GRID1: variants seen among roughly 807,000 people sequenced by gnomAD.
GRID1 encodes glutamate ionotropic receptor delta type subunit 1.
A neutral mutation model predicts 98.0 loss-of-function variants in GRID1; 28 were observed. That is an observed-to-expected ratio of 0.29 (90% CI 0.21 to 0.39). The LOEUF (loss-of-function observed/expected upper bound fraction) is 0.39. Among genes scored for constraint, GRID1 ranks in the 10% least tolerant of loss-of-function variants. The pLI is 1.00. For synonymous variants in GRID1, 553 were observed against 538.5 expected, an observed-to-expected ratio of 1.03 and a Z score of -0.37; for missense variants, 1,111 against 1,340.5, an observed-to-expected ratio of 0.83 and a Z score of 2.67.
At chr10:85,768,475 A>G (rs1294225648) in intron 8 of GRID1, among the ~76,000 whole-genome samples, 1 of 152,194 alleles carries the variant, frequency 6.6e-6, no homozygotes, top group Non-Finnish European at 1.5e-5. Flanking sequence ...TGATGAAAAT[A>G]TTGGCAATGT....
intron 8 of GRID1, among the ~76,000 whole-genome samples, chr10:85,747,701 G>C (rs1842010362): frequency 6.6e-6 from 1 of 152,152 alleles, no homozygotes; most frequent in South Asian, 2.1e-4. Flanking sequence ...TATGTAACCT[G>C]GGAGTGATAT....
intron 4 of GRID1, among the ~76,000 whole-genome samples, chr10:86,109,054 C>G (rs1029063911): frequency 3.9e-5 from 6 of 152,240 alleles, no homozygotes; most frequent in African/African-American, 1.4e-4. Flanking sequence ...TCCACCTTCC[C>G]TTCATCGACC....
intron 4 of GRID1, among the ~76,000 whole-genome samples, chr10:85,958,551 T>C (rs1186429741): frequency 1.3e-5 from 2 of 152,152 alleles, no homozygotes; most frequent in Admixed American, 6.5e-5. Flanking sequence ...GGTGTGTCTG[T>C]GAGGGTGTTT....
At chr10:86,140,304 C>T (rs1007386985) in intron 3 of GRID1, among the ~76,000 whole-genome samples, 2 of 152,256 alleles carry the variant, frequency 1.3e-5, no homozygotes, top group East Asian at 3.8e-4. Flanking sequence ...GGGATGCCCA[C>T]AGGCACGGCC....
At chr10:86,232,251 G>A (rs1465648825) in intron 2 of GRID1, among the ~76,000 whole-genome samples, 2 of 152,210 alleles carry the variant, frequency 1.3e-5, no homozygotes. Context: ...AGGAGAAAAG[G>A]CAAGCTGAGC....
intron 12 of GRID1, among the ~76,000 whole-genome samples, chr10:85,697,632 C>A (rs1288632578): frequency 1.3e-5 from 2 of 152,094 alleles, no homozygotes; most frequent in Non-Finnish European, 2.9e-5. Flanking sequence ...GAAATTTACA[C>A]AATTTCTTTT....
Position 85,758,390 on chromosome 10 carries a change from T to C in GRID1, c.1234-28776A>G, listed in dbSNP as rs950904085. Among the ~76,000 whole-genome samples the C allele has an allele frequency of 3.3e-5, 5 of 152,306 alleles. No individual in the cohort carries two copies. In the East Asian group the frequency reaches 9.7e-4, roughly 29 times the overall value. Reference sequence around the variant, plus strand: ...TAGGGGTGGGCAATTTCTTTCCAAGTTGACTTCACTCACATGGCTGGCAAG... The same window carrying C: ...TAGGGGTGGGCAATTTCTTTCCAAGCTGACTTCACTCACATGGCTGGCAAG... On this transcript the variant is annotated intron_variant, in intron 8 of 15. Transcript: ENST00000327946.
At chr10:86,158,335 T>C (rs1845274281) in intron 3 of GRID1, among the ~76,000 whole-genome samples, 1 of 152,226 alleles carries the variant, frequency 6.6e-6, no homozygotes, top group Non-Finnish European at 1.5e-5. Flanking sequence ...TACAGGGCTA[T>C]TGTGAGAATT....
chr10:86,263,060 T>C (rs1403031833), intron 2 of GRID1, among the ~76,000 whole-genome samples: 2 of 152,030 alleles, frequency 1.3e-5, no homozygotes, highest in Non-Finnish European at 2.9e-5. Context: ...TTTCCAACAA[T>C]TTAATGCTCT....
chr10:85,740,974 G>C (rs1283068386), intron 8 of GRID1, among the ~76,000 whole-genome samples: 5 of 151,910 alleles, frequency 3.3e-5, no homozygotes, highest in African/African-American at 1.2e-4. Flanking sequence ...GGCTGTTCTC[G>C]AACTCCTGAC....
At chr10:85,737,354 T>C (rs902549081) in intron 8 of GRID1, among the ~76,000 whole-genome samples, 2 of 151,952 alleles carry the variant, frequency 1.3e-5, no homozygotes, top group African/African-American at 4.8e-5. Flanking sequence ...TTCCCAGTGG[T>C]GCTGGAGAGA....
chr10:85,909,913 T>A (rs1841514296), intron 5 of GRID1, among the ~76,000 whole-genome samples: 1 of 152,166 alleles, frequency 6.6e-6, no homozygotes, highest in African/African-American at 2.4e-5. Context: ...GCATGTCAAT[T>A]AAACCTCAAC....
intron 12 of GRID1, among the ~76,000 whole-genome samples, chr10:85,694,215 T>A (rs1366011419): frequency 2.0e-5 from 3 of 151,974 alleles, no homozygotes; most frequent in African/African-American, 7.2e-5. Context: ...AAATTAAACC[T>A]ACAGTGAGTT....
rs530403134 is a variant in GRID1, at chr10:86,354,366, A to T, written c.235+9575T>A. On this transcript the variant is annotated intron_variant, in intron 2 of 15. Transcript: ENST00000327946. ...GCAGGGTCCCAGGAGGATGGAAAAC[A>T]TGGTGGCCGGGACACAACAAGAACG... 1.8e-4 allele frequency among the ~76,000 whole-genome samples: 27 copies of T among 152,302 alleles called. No individual in the cohort carries two copies. The South Asian group carries it at 4.8e-3, about 27-fold the overall frequency.
intron 4 of GRID1, among the ~76,000 whole-genome samples, chr10:85,986,258 T>C (rs757265703): frequency 4.6e-5 from 7 of 152,192 alleles, no homozygotes; most frequent in Non-Finnish European, 7.4e-5. Flanking sequence ...TGAAAGGTAA[T>C]GAAGTTGTCT....
chr10:86,223,486 C>T (rs186848695), intron 2 of GRID1, among the ~76,000 whole-genome samples: 1 of 152,382 alleles, frequency 6.6e-6, no homozygotes, highest in Non-Finnish European at 1.5e-5. Context: ...CATGGCTGCT[C>T]TGTGCTGAGG....
At chr10:85,757,959 G>A (rs1842114663) in intron 8 of GRID1, among the ~76,000 whole-genome samples, 1 of 152,200 alleles carries the variant, frequency 6.6e-6, no homozygotes, top group Non-Finnish European at 1.5e-5. Context: ...CAGGGGCCAG[G>A]AATTTTATAT....
At chr10:86,223,725 G>A (rs1241685485) in intron 2 of GRID1, among the ~76,000 whole-genome samples, 3 of 152,224 alleles carry the variant, frequency 2.0e-5, no homozygotes, top group Admixed American at 6.5e-5. Context: ...AGCTTGGGTC[G>A]GCTTTCCAAG....
chr10:85,822,052 A>T (rs1842777776), intron 8 of GRID1, among the ~76,000 whole-genome samples: 2 of 152,212 alleles, frequency 1.3e-5, no homozygotes. Flanking sequence ...TGGATCAAAG[A>T]CTTAAACGTT....
Sources: allele counts gnomAD v4.1 joint callset (sites outside exome capture counted in the v4.1 genomes callset), GRCh38; gene constraint gnomAD v4.1.1; transcripts MANE v1.5; gene names NCBI Gene and HGNC (gene_info 2026-07-23, HGNC 2026-07-21).